The following TFIP11 variants were observed in gnomAD, a reference collection of about 807,000 sequenced individuals.
TFIP11 encodes tuftelin-interacting protein 11.
A neutral mutation model predicts 96.8 loss-of-function variants in TFIP11; 86 were observed. The observed-to-expected ratio is 0.89, with a 90% CI of 0.75 to 1.06. TFIP11 has a LOEUF of 1.06. TFIP11 is among the 50% of genes least tolerant of loss of function. TFIP11 has a pLI of 0.00. For synonymous variants in TFIP11, 405 were observed against 395.2 expected (o/e 1.02, Z -0.29); for missense variants, 881 against 1,076.7 (o/e 0.82, Z 2.54).
rs768371769 is a variant in TFIP11, at chr22:26,496,066, T to C, written c.1849+7A>G. The C allele has an allele frequency of 4.4e-5, 71 of 1,613,072 alleles. No individual in the cohort carries two copies. Among genetic ancestry groups the C allele is most frequent in the Non-Finnish European group, 5.8e-5 (69 of 1,179,794 alleles). On this transcript the variant is annotated splice_region_variant and intron_variant, in intron 12 of 14. Transcript: ENST00000407690. Reference sequence around the variant, plus strand: ...TGGGCTTGGAATGCATTTCCCCTTATCCTTACCCAGCTTGGGCACTATGTT... The same window carrying C: ...TGGGCTTGGAATGCATTTCCCCTTACCCTTACCCAGCTTGGGCACTATGTT...
intron 2 of TFIP11, 192 bp downstream of exon 2, chr22:26,511,907 T>G (rs1924111127): frequency 6.6e-6 from 1 of 152,236 alleles, no homozygotes; most frequent in East Asian, 1.9e-4. Context: ...ACTGCCTGCG[T>G]GGGCATAGTA....
Position 26,492,347 on chromosome 22 carries a change from G to A in TFIP11, c.2180C>T (p.Ala727Val), listed in dbSNP as rs1250827445. The A allele has an allele frequency of 2.5e-6, 4 of 1,614,084 alleles. No homozygotes were observed. Among genetic ancestry groups the A allele is most frequent in the Non-Finnish European group, 8.5e-7 (1 of 1,179,986 alleles). Residue 727 changes from alanine to valine, a missense_variant, in exon 15 of 15, where the codon GCA becomes GTA. Physicochemically the swap from Ala to Val is moderately conservative, Grantham distance 64. Coordinates refer to ENST00000407690, the MANE Select transcript of TFIP11 (RefSeq NM_012143.4). ...SNVGAYMQPGARENIAYLTHT... is the reference protein window; with the variant it reads ...SNVGAYMQPGVRENIAYLTHT... ...GGTGAGATAGGCAATGTTCTCCCGT[G>A]CTCCTGGCTGCATGTAGGCACCTAA...
chr22:26,499,357 ATCT>A lies in TFIP11; in HGVS notation c.1073_1075del (p.Lys358del). 6.2e-7 allele frequency: 1 copy of A among 1,614,172 alleles called. No individual in the cohort carries two copies. The highest frequency in any genetic ancestry group is 8.5e-7 in the Non-Finnish European group (1 of 1,180,018). ...CTCCTCGTGGTCCAGGACCTCGGTCATCTTCTCCAGCTCGTGGAAGAGGTTGAC... is the reference window on the plus strand; with the variant it reads ...CTCCTCGTGGTCCAGGACCTCGGTCATCTCCAGCTCGTGGAAGAGGTTGAC... On this transcript the variant is annotated inframe_deletion, in exon 9 of 15. Coordinates refer to ENST00000407690, the MANE Select transcript of TFIP11 (RefSeq NM_012143.4).
intron 14 of TFIP11, chr22:26,493,503 C>T (rs1921494988): frequency 6.5e-6 from 1 of 152,768 alleles, no homozygotes; most frequent in African/African-American, 2.4e-5. Context: ...CACTGGAGCA[C>T]AGGACTGGTT....
chr22:26,510,300 A>G lies in TFIP11; in HGVS notation c.-9-19T>C. 6.2e-7 allele frequency: 1 copy of G among 1,612,548 alleles called. No homozygotes were observed. The highest frequency in any genetic ancestry group is 1.7e-5 in the Admixed American group (1 of 60,010). On this transcript the variant is annotated intron_variant, in intron 3 of 14. Transcript: ENST00000407690. ...CCAGTCACTAAAGGAAGAGACAAAA[A>G]GAGCACAGGCCGTAAGTCCTGGGGG...
rs1219155848 is a variant in TFIP11 at position 26,510,048 on chromosome 22, C to A, written c.209+16G>T. On this transcript the variant is annotated intron_variant, in intron 4 of 14. Transcript: ENST00000407690. ...TCCCTAAAGCAAGGTGAAGCAGCCC[C>A]CATGCCAGGCAATACCGTTTGCCTC... is the stretch of plus-strand genomic sequence containing the variant. 2 of 1,612,214 alleles carry A rather than the reference C, an allele frequency of 1.2e-6. No homozygotes were observed. Among genetic ancestry groups the A allele is most frequent in the East Asian group, 2.2e-5 (1 of 44,868 alleles).
intron 2 of TFIP11, chr22:26,511,797 G>A (rs1266975393): frequency 6.6e-6 from 1 of 152,190 alleles, no homozygotes; most frequent in African/African-American, 2.4e-5. Flanking sequence ...CTGGTGCACC[G>A]GTTGGGTGCA....
At chr22:26,497,219 C>A (rs1185047987) in intron 10 of TFIP11, among the ~76,000 whole-genome samples, 1 of 152,218 alleles carries the variant, frequency 6.6e-6, no homozygotes, top group East Asian at 1.9e-4. Flanking sequence ...CTCTCACCCT[C>A]TTATCACAAT....
At chr22:26,496,574 G>A (rs948202303) in intron 11 of TFIP11, 147 bp downstream of exon 11, 3 of 1,135,466 alleles carry the variant, frequency 2.6e-6, no homozygotes, top group Non-Finnish European at 3.7e-6. Context: ...CTGAGAAAAA[G>A]GCTGGAATTA....
intron 10 of TFIP11, 103 bp downstream of exon 10, chr22:26,498,766 A>T: frequency 1.2e-6 from 1 of 845,480 alleles, no homozygotes; most frequent in Non-Finnish European, 2.0e-6. Flanking sequence ...ATGAGCAGAG[A>T]ATTAATCAAG....
chr22:26,506,102 C>G, intron 6 of TFIP11: 1 of 506,898 alleles, frequency 2.0e-6, no homozygotes, highest in South Asian at 4.3e-5. Flanking sequence ...CTAACCCTTT[C>G]CTTGCTGTTG....
Position 26,496,139 on chromosome 22 carries a change from A to G in TFIP11, c.1783T>C (p.Trp595Arg). Residue 595 changes from tryptophan to arginine, a missense_variant, in exon 12 of 15, where the codon TGG (tryptophan) becomes CGG (arginine). By Grantham distance (101) the Trp-to-Arg change is moderately radical (BLOSUM62 -3). Transcript: ENST00000407690. ...DSSAKLILQP[W>R]KDVFTPGSWE... is the part of the protein sequence containing the mutation. Reference sequence around the variant, plus strand: ...GAGCCAGGAGTGAAGACATCCTTCCAGGGCTGGAGGATGAGCTTGGCAGAG... The same window carrying G: ...GAGCCAGGAGTGAAGACATCCTTCCGGGGCTGGAGGATGAGCTTGGCAGAG... 6.2e-7 allele frequency: 1 copy of G among 1,613,972 alleles called. No individual in the cohort carries two copies. Among genetic ancestry groups the G allele is most frequent in the South Asian group, 1.1e-5 (1 of 91,082 alleles).
At chr22:26,507,881 G>T (rs939150273) in intron 4 of TFIP11, among the ~76,000 whole-genome samples, 6 of 152,136 alleles carry the variant, frequency 3.9e-5, no homozygotes, top group Non-Finnish European at 8.8e-5. Flanking sequence ...TCAGCACTTT[G>T]GGAGGCTTGA....
intron 13 of TFIP11, 150 bp downstream of exon 13, chr22:26,494,647 G>A: frequency 6.4e-6 from 7 of 1,090,810 alleles, no homozygotes; most frequent in Non-Finnish European, 9.1e-6. Context: ...AATAAATGGT[G>A]CCCACTATGA....
At position 26,499,341 on chromosome 22, in the gene TFIP11, G is replaced by T; in HGVS notation, c.1092C>A (p.Asp364Glu). 1 of 1,614,136 alleles carries T rather than the reference G, an allele frequency of 6.2e-7. No individual in the cohort carries two copies. The highest frequency in any genetic ancestry group is 1.7e-5 in the Admixed American group (1 of 60,016). ...GGTTCGAGATGACCCGCTCCTCGTG[G>T]TCCAGGACCTCGGTCATCTTCTCCA... ...HELEKMTEVLDHEERVISNLS... is the reference protein window; with the variant it reads ...HELEKMTEVLEHEERVISNLS... The change falls in exon 9 of 15, where the codon GAC becomes GAA. Residue 364 changes from aspartate to glutamate, a missense_variant. Coordinates refer to ENST00000407690, the MANE Select transcript of TFIP11 (RefSeq NM_012143.4).
chr22:26,502,687 G>C (rs565069258), intron 7 of TFIP11, among the ~76,000 whole-genome samples: 3 of 152,176 alleles, frequency 2.0e-5, no homozygotes, highest in African/African-American at 7.2e-5. Flanking sequence ...GTTAAGACTT[G>C]TCATTTTTTC....
Position 26,494,412 on chromosome 22 carries a change from C to T in TFIP11, c.1993-108G>A, listed in dbSNP as rs529091667. On this transcript the variant is annotated intron_variant, in intron 13 of 14. Coordinates refer to ENST00000407690, the MANE Select transcript of TFIP11 (RefSeq NM_012143.4). ...ATCCTGGTCCTACAGGCTAGTGACA[C>T]TACTTTACAGGGATTTATAGTAGCT... The T allele has an allele frequency of 3.0e-5, 39 of 1,313,098 alleles. 1 individual carries two copies. The African/African-American group carries it at 3.3e-4, about 11-fold the overall frequency. The allele number at this position is 1,313,098 out of a possible 1,614,324, so 81.3% of individuals were successfully genotyped here.
chr22:26,512,451 C>G lies in TFIP11; in HGVS notation c.-230G>C, dbSNP rs1011538401. ...TCACCATCCGCGCGAGAAGACGCCG[C>G]TCCTACACCAGAACCCGGAAGCACC... On this transcript the variant is annotated 5_prime_UTR_variant, in exon 1 of 15. Transcript: ENST00000407690. 9.8e-5 allele frequency: 15 copies of G among 152,460 alleles called. No individual in the cohort carries two copies. Among genetic ancestry groups the G allele is most frequent in the African/African-American group, 3.6e-4 (15 of 41,588 alleles). The allele number at this position is 152,460 out of a possible 1,614,324, so 9.4% of individuals were successfully genotyped here. A position where few individuals can be genotyped will look rare whatever the true frequency, so the allele number is the denominator to read the frequency against.
At position 26,496,736 on chromosome 22, in the gene TFIP11, G is replaced by A; in HGVS notation, c.1590C>T (p.Pro530=). Residue 530 remains proline, a synonymous_variant, in exon 11 of 15, where the codon CCC becomes CCT. Transcript: ENST00000407690. ...CTCATCCCACCTCCTTTTGCAGCTT[G>A]GGGAAGATGAGTTGGTCCAGTATGT... ...LDNILDQLIF[P]KLQKEVENWN... is the part of the protein sequence containing the mutation. The A allele has an allele frequency of 6.2e-7, 1 of 1,614,036 alleles. No individual in the cohort carries two copies. Among genetic ancestry groups the A allele is most frequent in the Non-Finnish European group, 8.5e-7 (1 of 1,179,966 alleles).
Sources: gnomAD v4.1 joint callset for allele counts (sites outside exome capture counted in the v4.1 genomes callset) on GRCh38, gnomAD v4.1.1 for gene constraint, MANE v1.5 for transcripts, NCBI Gene and HGNC (gene_info 2026-07-23, HGNC 2026-07-21) for gene names.